PARD3B: variants seen among roughly 807,000 people sequenced by gnomAD.
The protein encoded by PARD3B is par-3 family cell polarity regulator beta, also known as partitioning defective 3 homolog B.
PARD3B carries 103 observed loss-of-function variants against 130.2 expected under a neutral mutation model. The ratio of observed to expected loss-of-function variants is 0.79; its 90% CI spans 0.67 to 0.93. The LOEUF (loss-of-function observed/expected upper bound fraction) is 0.93, where lower values mean the gene tolerates loss of function less well. PARD3B is among the 40% of genes least tolerant of loss of function. PARD3B has a pLI of 0.00. For missense variants in PARD3B, 1,609 were observed against 1,499.2 expected (o/e 1.07, Z -1.21); for synonymous variants, 583 against 553.2 (o/e 1.05, Z -0.76).
chr2:205,250,157 C>T (rs2039777364), intron 16 of PARD3B, among the ~76,000 whole-genome samples: 1 of 151,798 alleles, frequency 6.6e-6, no homozygotes, highest in South Asian at 2.1e-4. Context: ...TAAAATGACA[C>T]TTCAACCAAT....
At chr2:205,182,863 G>A (rs556365246) in intron 13 of PARD3B, among the ~76,000 whole-genome samples, 2 of 152,280 alleles carry the variant, frequency 1.3e-5, no homozygotes, top group East Asian at 1.9e-4. Context: ...GATGGGGAAA[G>A]GAAGAGAGAG....
chr2:204,794,118 G>A (rs2042288796), intron 2 of PARD3B, among the ~76,000 whole-genome samples: 1 of 151,914 alleles, frequency 6.6e-6, no homozygotes, highest in Non-Finnish European at 1.5e-5. Context: ...AAGAAATGAG[G>A]GTACTTTGGG....
chr2:204,643,389 A>C (rs917133660), intron 1 of PARD3B, among the ~76,000 whole-genome samples: 1 of 151,830 alleles, frequency 6.6e-6, no homozygotes, highest in African/African-American at 2.4e-5. Flanking sequence ...CTCCTCTCCA[A>C]ACTCTTGATA....
intron 2 of PARD3B, among the ~76,000 whole-genome samples, chr2:204,900,572 TGTCTGAAAG>T (rs1289372320): frequency 6.6e-6 from 1 of 152,254 alleles, no homozygotes; most frequent in African/African-American, 2.4e-5. Context: ...TTTTGATATC[TGTCTGAAAG>T]GTCATAAATC....
At chr2:205,502,873 C>T (rs1231411429) in intron 21 of PARD3B, among the ~76,000 whole-genome samples, 1 of 152,014 alleles carries the variant, frequency 6.6e-6, no homozygotes, top group African/African-American at 2.4e-5. Context: ...TCTTCTCAGA[C>T]CAACTTGTAT....
intron 2 of PARD3B, among the ~76,000 whole-genome samples, chr2:204,958,993 A>G (rs1690517255): frequency 6.6e-6 from 1 of 152,122 alleles, no homozygotes; most frequent in Non-Finnish European, 1.5e-5. Flanking sequence ...AAGTTCTGGG[A>G]TACATGTGCA....
intron 2 of PARD3B, among the ~76,000 whole-genome samples, chr2:204,896,712 T>C (rs898974751): frequency 1.3e-5 from 2 of 152,212 alleles, no homozygotes; most frequent in African/African-American, 4.8e-5. Flanking sequence ...TCTACAGTCT[T>C]ATCATTTAGA....
intron 2 of PARD3B, among the ~76,000 whole-genome samples, chr2:204,811,417 T>C (rs2042957382): frequency 6.6e-6 from 1 of 152,210 alleles, no homozygotes; most frequent in African/African-American, 2.4e-5. Context: ...TTGAAATGTT[T>C]ATTTCATCTC....
chr2:205,523,225 G>GTGTGTA (rs1553536839), intron 21 of PARD3B, among the ~76,000 whole-genome samples: 263 of 142,950 alleles, frequency 1.8e-3, no homozygotes, highest in African/African-American at 3.4e-3. Flanking sequence ...GTGTGTGTGT[G>GTGTGTA]TATATATATA....
intron 16 of PARD3B, among the ~76,000 whole-genome samples, chr2:205,248,411 T>TGGTGGC: frequency 6.7e-6 from 1 of 148,374 alleles, no homozygotes; most frequent in East Asian, 2.1e-4. Context: ...GTGGTGGTGG[T>TGGTGGC]GGTGGCGGCA....
At chr2:205,375,633 A>G (rs1399335380) in intron 18 of PARD3B, among the ~76,000 whole-genome samples, 1 of 152,188 alleles carries the variant, frequency 6.6e-6, no homozygotes, top group African/African-American at 2.4e-5. Context: ...GGCCTGCTCA[A>G]AGGCACTGGC....
chr2:204,635,133 AG>A (rs2034827847), intron 1 of PARD3B, among the ~76,000 whole-genome samples: 1 of 152,160 alleles, frequency 6.6e-6, no homozygotes, highest in African/African-American at 2.4e-5. Flanking sequence ...CAAGTTTTTT[AG>A]CCAGTGGAAG....
chr2:205,424,165 G>T (rs1323790206), intron 19 of PARD3B, among the ~76,000 whole-genome samples: 1 of 152,054 alleles, frequency 6.6e-6, no homozygotes, highest in Non-Finnish European at 1.5e-5. Context: ...TGGATAGGAG[G>T]GAAAAGACTG....
chr2:205,323,631 C>A (rs1429962856), intron 18 of PARD3B, among the ~76,000 whole-genome samples: 2 of 152,142 alleles, frequency 1.3e-5, no homozygotes, highest in African/African-American at 2.4e-5. Context: ...TCTTATTCAG[C>A]CCTCTGATTC....
At chr2:204,895,030 G>C (rs2046591381) in intron 2 of PARD3B, among the ~76,000 whole-genome samples, 1 of 147,390 alleles carries the variant, frequency 6.8e-6, no homozygotes, top group Admixed American at 6.7e-5. Flanking sequence ...TTTTTGAAAA[G>C]TAGAGAATTA....
chr2:205,432,637 C>T (rs1390944549), intron 19 of PARD3B, among the ~76,000 whole-genome samples: 1 of 151,982 alleles, frequency 6.6e-6, no homozygotes, highest in Non-Finnish European at 1.5e-5. Context: ...TAGTGCCTTT[C>T]CTTTAAGTAA....
intron 10 of PARD3B, among the ~76,000 whole-genome samples, chr2:205,126,923 A>G (rs1244777749): frequency 6.6e-6 from 1 of 152,084 alleles, no homozygotes; most frequent in Non-Finnish European, 1.5e-5. Context: ...GATATTGGTT[A>G]TGAGAGGTTT....
intron 1 of PARD3B, among the ~76,000 whole-genome samples, chr2:204,573,945 C>T (rs1481435391): frequency 3.9e-5 from 6 of 152,162 alleles, no homozygotes; most frequent in Non-Finnish European, 5.9e-5. Context: ...TGTCTTATAG[C>T]GTCTCCAAGT....
intron 18 of PARD3B, among the ~76,000 whole-genome samples, chr2:205,346,929 G>A (rs1455887025): frequency 6.6e-6 from 1 of 151,980 alleles, no homozygotes; most frequent in African/African-American, 2.4e-5. Flanking sequence ...CTCGGTGGGT[G>A]GCCTTCTGTA....
Sources: gnomAD v4.1 joint callset for allele counts (sites outside exome capture counted in the v4.1 genomes callset) on GRCh38, gnomAD v4.1.1 for gene constraint, MANE v1.5 for transcripts, NCBI Gene and HGNC (gene_info 2026-07-23, HGNC 2026-07-21) for gene names.